TMEM135: variants seen among roughly 807,000 people sequenced by gnomAD.
TMEM135 encodes the protein peroxisomal membrane protein 52.
Under a neutral mutation model 60.3 loss-of-function variants are expected in TMEM135, and 30 were observed. The ratio of observed to expected loss-of-function variants is 0.50; its 90% confidence interval spans 0.37 to 0.68. TMEM135 has a LOEUF of 0.68. Among genes scored for constraint, TMEM135 ranks in the 30% least tolerant of loss-of-function variants. TMEM135 has a pLI of 0.00. For synonymous variants in TMEM135, 190 were observed against 186.7 expected (o/e 1.02, Z -0.14); for missense variants, 468 against 548.8 (o/e 0.85, Z 1.47).
chr11:87,302,262 T>G, intron 7 of TMEM135, 34 bp from the exon 8 acceptor site: 2 of 1,606,996 alleles, frequency 1.2e-6, no homozygotes, highest in Non-Finnish European at 1.7e-6. Flanking sequence ...TATTTTTAAG[T>G]GAAAAATGCC....
intron 5 of TMEM135, among the ~76,000 whole-genome samples, chr11:87,208,783 C>T (rs1367463885): frequency 6.6e-6 from 1 of 152,038 alleles, no homozygotes; most frequent in Admixed American, 6.6e-5. Context: ...CCAAGGTAAA[C>T]ACAAAAGAAA....
intron 6 of TMEM135, among the ~76,000 whole-genome samples, chr11:87,248,656 T>C (rs1469644423): frequency 6.6e-6 from 1 of 152,106 alleles, no homozygotes; most frequent in African/African-American, 2.4e-5. Flanking sequence ...ATGAAGACTG[T>C]CATTGACATT....
chr11:87,155,301 T>A (rs1938664268), intron 4 of TMEM135, among the ~76,000 whole-genome samples: 1 of 152,194 alleles, frequency 6.6e-6, no homozygotes, highest in Non-Finnish European at 1.5e-5. Context: ...GCCCAGACTG[T>A]TTTTAGTTTT....
At chr11:87,155,963 G>A (rs1938682927) in intron 4 of TMEM135, among the ~76,000 whole-genome samples, 1 of 152,208 alleles carries the variant, frequency 6.6e-6, no homozygotes, top group Admixed American at 6.5e-5. Flanking sequence ...CAAATGGACA[G>A]TATGTACTGT....
At chr11:87,269,268 G>A (rs1941813502) in intron 6 of TMEM135, among the ~76,000 whole-genome samples, 1 of 127,618 alleles carries the variant, frequency 7.8e-6, no homozygotes, top group Non-Finnish European at 1.6e-5. Context: ...CAGAGAGGAA[G>A]TTTGCTTTAG....
chr11:87,166,030 A>G (rs986590125), intron 5 of TMEM135, among the ~76,000 whole-genome samples: 1 of 151,216 alleles, frequency 6.6e-6, no homozygotes, highest in African/African-American at 2.5e-5. Flanking sequence ...CTCTCCCAAG[A>G]CTAAACCAGG....
intron 5 of TMEM135, among the ~76,000 whole-genome samples, chr11:87,219,528 C>T (rs758555601): frequency 6.6e-6 from 1 of 152,078 alleles, no homozygotes; most frequent in African/African-American, 2.4e-5. Flanking sequence ...GAGCAAGGAG[C>T]AAGCATGTGA....
At chr11:87,168,328 G>T (rs1268488870) in intron 5 of TMEM135, among the ~76,000 whole-genome samples, 1 of 151,786 alleles carries the variant, frequency 6.6e-6, no homozygotes, top group Non-Finnish European at 1.5e-5. Flanking sequence ...GATCTTAGTT[G>T]TTTCTTGTCT....
At chr11:87,094,615 A>C (rs1198463725) in intron 4 of TMEM135, 1 of 153,212 alleles carries the variant, frequency 6.5e-6, no homozygotes, top group Non-Finnish European at 1.5e-5. Flanking sequence ...CTGAGGTGGG[A>C]GGATTGCTTG....
chr11:87,195,787 G>T (rs1939942008), intron 5 of TMEM135, among the ~76,000 whole-genome samples: 1 of 152,062 alleles, frequency 6.6e-6, no homozygotes, highest in African/African-American at 2.4e-5. Flanking sequence ...AGTTGCTTAG[G>T]GTGTGCCTGT....
intron 1 of TMEM135, among the ~76,000 whole-genome samples, chr11:87,043,554 C>G (rs1949768796): frequency 6.6e-6 from 1 of 151,776 alleles, no homozygotes; most frequent in South Asian, 2.1e-4. Context: ...TGAAACCCGT[C>G]TCTACTAAAA....
At chr11:87,184,221 G>A (rs1444715377) in intron 5 of TMEM135, among the ~76,000 whole-genome samples, 1 of 152,100 alleles carries the variant, frequency 6.6e-6, no homozygotes, top group East Asian at 1.9e-4. Context: ...AAAAATTAAA[G>A]AATGGGTATA....
intron 3 of TMEM135, among the ~76,000 whole-genome samples, chr11:87,080,779 C>T (rs770053066): frequency 2.6e-5 from 4 of 152,098 alleles, no homozygotes; most frequent in Non-Finnish European, 5.9e-5. Context: ...CTCCACCCAC[C>T]GGGTTCAAGC....
intron 2 of TMEM135, among the ~76,000 whole-genome samples, chr11:87,070,643 C>G (rs979114912): frequency 6.6e-6 from 1 of 151,538 alleles, no homozygotes; most frequent in South Asian, 2.1e-4. Context: ...CTAAAAACAA[C>G]AACAACAACA....
At chr11:87,082,257 C>T (rs1591004770) in intron 3 of TMEM135, among the ~76,000 whole-genome samples, 3 of 151,986 alleles carry the variant, frequency 2.0e-5, no homozygotes, top group East Asian at 1.9e-4. Flanking sequence ...TGTGTCTGTG[C>T]GTATTTGGAA....
At chr11:87,282,094 G>C (rs1051397838) in intron 6 of TMEM135, among the ~76,000 whole-genome samples, 2 of 152,158 alleles carry the variant, frequency 1.3e-5, no homozygotes, top group African/African-American at 4.8e-5. Context: ...GAATTCAGGA[G>C]GTCTGGAGTG....
At chr11:87,239,950 C>T (rs533231843) in intron 6 of TMEM135, among the ~76,000 whole-genome samples, 22 of 152,152 alleles carry the variant, frequency 1.4e-4, no homozygotes, top group Admixed American at 1.2e-3. Context: ...AGTTATTTTA[C>T]ATATATTATC....
chr11:87,322,192 G>A lies in TMEM135; in HGVS notation c.*859G>A, dbSNP rs1942834332. 8.8e-6 allele frequency: 4 copies of A among 454,232 alleles called. No homozygotes were observed. The highest frequency in any genetic ancestry group is 1.8e-5 in the Non-Finnish European group (4 of 226,726). The allele number at this position is 454,232 out of a possible 1,614,324, so 28.1% of individuals were successfully genotyped here. A position where few individuals can be genotyped will look rare whatever the true frequency, so the allele number is the denominator to read the frequency against. ...ATTTATATGGACATAATCCTTCATA[G>A]CTCAGTTTATATGCCATTGTTGTAT... On this transcript the variant is annotated 3_prime_UTR_variant, in exon 15 of 15. Transcript: ENST00000305494.
chr11:87,317,572 G>A (rs757846187), intron 12 of TMEM135, among the ~76,000 whole-genome samples: 1 of 151,980 alleles, frequency 6.6e-6, no homozygotes, highest in Non-Finnish European at 1.5e-5. Flanking sequence ...TATAGATCTT[G>A]AGGATTCTTT....
Sources: gnomAD v4.1 joint callset for allele counts (sites outside exome capture counted in the v4.1 genomes callset) on GRCh38, gnomAD v4.1.1 for gene constraint, MANE v1.5 for transcripts, NCBI Gene and HGNC (gene_info 2026-07-23, HGNC 2026-07-21) for gene names.